The following ADGRG1 variants were observed in gnomAD, a reference collection of about 807,000 sequenced individuals.
ADGRG1 encodes the protein 7-transmembrane protein with no EGF-like N-terminal domains-1.
A neutral mutation model predicts 73.5 loss-of-function variants in ADGRG1; 53 were observed. That is an observed-to-expected ratio of 0.72 (90% confidence interval 0.58 to 0.91). The LOEUF (loss-of-function observed/expected upper bound fraction) is 0.91, where lower values mean the gene tolerates loss of function less well. Among genes scored for constraint, ADGRG1 ranks in the 40% least tolerant of loss-of-function variants. The pLI is 0.00. For missense variants in ADGRG1, 795 were observed against 871.8 expected, an observed-to-expected ratio of 0.91 and a Z score of 1.11; for synonymous variants, 394 against 374.4, an observed-to-expected ratio of 1.05 and a Z score of -0.60.
chr16:57,659,321 G>A (rs2046488629), intron 10 of ADGRG1, 92 bp from the exon 11 acceptor site: 3 of 1,601,596 alleles, frequency 1.9e-6, no homozygotes, highest in African/African-American at 1.3e-5. Flanking sequence ...TCGGGGTGGG[G>A]GGCAGTCTGG....
chr16:57,644,081 C>T, intron 1 of ADGRG1: 2 of 985,386 alleles, frequency 2.0e-6, no homozygotes, highest in Non-Finnish European at 2.4e-6. Context: ...GAAACACCTG[C>T]AAGAGCCCTG....
At chr16:57,660,590 C>T (rs1451328885) in intron 11 of ADGRG1, 178 bp from the exon 12 acceptor site, 1 of 911,460 alleles carries the variant, frequency 1.1e-6, no homozygotes, top group African/African-American at 1.8e-5. Context: ...GAAACCCATA[C>T]TGGAATGGGG....
At chr16:57,637,812 C>T (rs183446515) in intron 1 of ADGRG1, 102 of 568,280 alleles carry the variant, frequency 1.8e-4, no homozygotes, top group Non-Finnish European at 2.1e-4. Context: ...ATGGCCTCTG[C>T]CAGAAATCAT....
In ADGRG1 at chr16:57,628,859, TGTGAGTGTGTGAGC is replaced by T. The variant is rs1478009599; in HGVS notation, c.-36+71_-36+84del. On this transcript the variant is annotated intron_variant, in intron 1 of 13. Coordinates refer to ENST00000562631, the MANE Select transcript of ADGRG1 (RefSeq NM_201525.4). ...AAGGGGAATAGTGTGAGTGTGAGAG[TGTGAGTGTGTGAGC>T]GTGAGTGTGTGAGAGTGTGAGTGTG... is the stretch of plus-strand genomic sequence containing the variant. 4.2e-4 allele frequency: 412 copies of T among 982,398 alleles called. 6 individuals are homozygous for T. In the South Asian group the frequency reaches 0.017, roughly 40 times the overall value. 60.9% of individuals were successfully genotyped at this position (982,398 alleles called of 1,614,324 possible). A position where few individuals can be genotyped will look rare whatever the true frequency, so the allele number is the denominator to read the frequency against.
rs2036430083 is a variant in ADGRG1, at chr16:57,628,739, G to C, written c.-99G>C. The C allele has an allele frequency of 2.0e-6, 2 of 985,416 alleles. No individual in the cohort carries two copies. The highest frequency in any genetic ancestry group is 4.7e-5 in the South Asian group (1 of 21,306). The allele number at this position is 985,416 out of a possible 1,614,324, so 61.0% of individuals were successfully genotyped here. A position where few individuals can be genotyped will look rare whatever the true frequency, so the allele number is the denominator to read the frequency against. ...CCAGGGCTGGCAGGTTAAGCCTCTG[G>C]GGGTGGATCCTGAAAGGTGGTCCAG... On this transcript the variant is annotated 5_prime_UTR_variant, in exon 1 of 14. Coordinates refer to ENST00000562631, the MANE Select transcript of ADGRG1 (RefSeq NM_201525.4).
chr16:57,655,808 G>C, intron 6 of ADGRG1, 68 bp from the exon 7 acceptor site: 1 of 1,613,588 alleles, frequency 6.2e-7, no homozygotes. Context: ...AGGGTAAGGG[G>C]CTTCTGGGCC....
chr16:57,653,899 TGTCTGA>T (rs2044778091), intron 4 of ADGRG1, 81 bp from the exon 5 acceptor site: 1 of 1,596,540 alleles, frequency 6.3e-7, no homozygotes, highest in Non-Finnish European at 8.5e-7. Flanking sequence ...CCTGTGTCTC[TGTCTGA>T]GTCTCTCGTC....
rs776189361 is a variant in ADGRG1, at chr16:57,661,677, C to T, written c.1665-20C>T. The T allele has an allele frequency of 4.2e-5, 68 of 1,609,490 alleles. No individual in the cohort carries two copies. Among genetic ancestry groups the T allele is most frequent in the Non-Finnish European group, 5.0e-5 (59 of 1,178,246 alleles). On this transcript the variant is annotated intron_variant, in intron 12 of 13. Coordinates refer to ENST00000562631, the MANE Select transcript of ADGRG1 (RefSeq NM_201525.4). Reference sequence around the variant, plus strand: ...TGCCCGTGCTGGCCACACGCTGAGCCCTCCTGCCTTTGCCCGCAGGTGCTG... The same window carrying T: ...TGCCCGTGCTGGCCACACGCTGAGCTCTCCTGCCTTTGCCCGCAGGTGCTG...
At chr16:57,650,491 A>G in intron 2 of ADGRG1, 140 bp downstream of exon 2, 1 of 1,488,414 alleles carries the variant, frequency 6.7e-7, no homozygotes, top group Non-Finnish European at 9.1e-7. Flanking sequence ...AGAAAAGCAA[A>G]AGACACTCCT....
At chr16:57,653,047 G>T in intron 3 of ADGRG1, 156 bp from the exon 4 acceptor site, 1 of 1,520,472 alleles carries the variant, frequency 6.6e-7, no homozygotes, top group Non-Finnish European at 8.8e-7. Flanking sequence ...GAGTGGCCTT[G>T]GCAGAGTCCA....
chr16:57,651,317 C>T lies in ADGRG1; in HGVS notation c.182C>T (p.Ser61Phe), dbSNP rs768765755. The T allele has an allele frequency of 2.5e-6, 4 of 1,614,228 alleles. No individual in the cohort carries two copies. The highest frequency in any genetic ancestry group is 1.7e-6 in the Non-Finnish European group (2 of 1,180,028). ...GACCTGCGCATCTCCATCGAGAACT[C>T]CGAAGAGGCCCTCACAGTCCATGCC... is the stretch of plus-strand genomic sequence containing the variant. ...TPDLRISIENSEEALTVHAPF... is the reference protein window; with the variant it reads ...TPDLRISIENFEEALTVHAPF... The change falls in exon 3 of 14, where the codon TCC becomes TTC. Residue 61 changes from serine (S) to phenylalanine (F), a missense_variant. By Grantham distance (155) the Ser-to-Phe change is radical. Transcript: ENST00000562631.
chr16:57,632,803 G>C (rs2038348956), intron 1 of ADGRG1: 2 of 985,362 alleles, frequency 2.0e-6, no homozygotes, highest in Non-Finnish European at 1.2e-6. Flanking sequence ...CCGGTGGACA[G>C]GCCTCTCTGC....
intron 1 of ADGRG1, chr16:57,633,608 G>A (rs2038577286): frequency 3.0e-6 from 2 of 655,954 alleles, no homozygotes; most frequent in African/African-American, 2.0e-5. Context: ...GCCTGGGACA[G>A]GTATATTAAC....
intron 1 of ADGRG1, chr16:57,633,289 G>T: frequency 1.0e-6 from 1 of 980,320 alleles, no homozygotes; most frequent in Non-Finnish European, 1.2e-6. Context: ...TAATCTTCCA[G>T]GTCATGGGCT....
chr16:57,663,725 C>A lies in ADGRG1; in HGVS notation c.*143C>A. On this transcript the variant is annotated 3_prime_UTR_variant, in exon 14 of 14. Transcript: ENST00000562631. ...ACGACCATGGAGAGATGGGCCGTTG[C>A]CATGGTGGACGGACTCCCGGGCTGG... The A allele has an allele frequency of 1.1e-6, 1 of 906,806 alleles. No individual in the cohort carries two copies. The highest frequency in any genetic ancestry group is 2.6e-5 in the East Asian group (1 of 38,420). 56.2% of individuals were successfully genotyped at this position (906,806 alleles called of 1,614,324 possible).
At chr16:57,623,733 A>G (rs2035306527), upstream of ADGRG1, 4 of 941,806 alleles carry the variant, frequency 4.2e-6, no homozygotes, top group Non-Finnish European at 5.1e-6. Flanking sequence ...GTGCAACGCA[A>G]TCCCTGCTGG....
chr16:57,636,348 C>T, intron 1 of ADGRG1: 1 of 985,400 alleles, frequency 1.0e-6, no homozygotes, highest in Non-Finnish European at 1.2e-6. Context: ...ATAGGAAAGG[C>T]ATGCGCTCCC....
intron 1 of ADGRG1, chr16:57,640,381 C>G (rs2040497723): frequency 6.6e-6 from 1 of 152,264 alleles, no homozygotes; most frequent in South Asian, 2.1e-4. Context: ...GGGCAGGTAA[C>G]TTGACCTCCC....
At chr16:57,644,055 G>A in intron 1 of ADGRG1, 15 of 985,274 alleles carry the variant, frequency 1.5e-5, no homozygotes, top group South Asian at 1.4e-4. Context: ...CAGACGCCAC[G>A]CCACCCACCA....
Sources: gnomAD v4.1 joint callset for allele counts on GRCh38, gnomAD v4.1.1 for gene constraint, MANE v1.5 for transcripts, NCBI Gene and HGNC (gene_info 2026-07-23, HGNC 2026-07-21) for gene names.